SOX30: variants seen among roughly 807,000 people sequenced by gnomAD.
SOX30 encodes the protein transcription factor SOX-30.
In SOX30, 17 loss-of-function variants were observed where a neutral mutation model predicts 58.6. That is an observed-to-expected ratio of 0.29 (90% CI 0.20 to 0.44). The LOEUF (loss-of-function observed/expected upper bound fraction) is 0.44, where lower values mean the gene tolerates loss of function less well. Among genes scored for constraint, SOX30 ranks in the 20% least tolerant of loss-of-function variants. SOX30 has a pLI of 1.00. For missense variants in SOX30, 951 were observed against 965.8 expected (o/e 0.98, Z 0.20); for synonymous variants, 421 against 400.2 (o/e 1.05, Z -0.62).
intron 3 of SOX30, among the ~76,000 whole-genome samples, chr5:157,641,241 A>T (rs1001459153): frequency 3.9e-5 from 6 of 152,114 alleles, no homozygotes. Flanking sequence ...AAAAAAAAGA[A>T]CTAGTAAGAG....
intron 1 of SOX30, among the ~76,000 whole-genome samples, chr5:157,670,087 A>G (rs1463833405): frequency 1.3e-5 from 2 of 152,232 alleles, no homozygotes; most frequent in Non-Finnish European, 2.9e-5. Context: ...TAATCCAGAG[A>G]GAAGTGAACT....
chr5:157,642,745 GC>G (rs1429513157), intron 3 of SOX30, among the ~76,000 whole-genome samples: 3 of 152,144 alleles, frequency 2.0e-5, no homozygotes, highest in African/African-American at 7.2e-5. Context: ...TGAGGCAAAT[GC>G]AAAAAAACTA....
intron 4 of SOX30, among the ~76,000 whole-genome samples, chr5:157,630,863 T>A (rs1216277787): frequency 6.3e-4 from 85 of 134,910 alleles, no homozygotes; most frequent in Admixed American, 1.7e-3. Context: ...TTATATATTT[T>A]TATATATATA....
intron 4 of SOX30, among the ~76,000 whole-genome samples, chr5:157,629,879 T>C (rs377531406): frequency 5.6e-4 from 85 of 152,292 alleles, no homozygotes; most frequent in African/African-American, 1.9e-3. Flanking sequence ...TTCTCCTAAC[T>C]ACCATGCCGC....
intron 4 of SOX30, among the ~76,000 whole-genome samples, chr5:157,632,584 T>C (rs941658707): frequency 3.3e-5 from 5 of 152,026 alleles, no homozygotes; most frequent in African/African-American, 9.7e-5. Context: ...CACTCCAGCC[T>C]GGGCAAAAAG....
intron 3 of SOX30, among the ~76,000 whole-genome samples, chr5:157,640,819 C>T (rs11750942): frequency 0.12 from 17,523 of 152,106 alleles, 1,161 homozygotes; most frequent in Middle Eastern, 0.19. Flanking sequence ...TAGCATGATT[C>T]CTTACTTGTC....
chr5:157,639,083 TGATA>T (rs1398435537), intron 3 of SOX30, among the ~76,000 whole-genome samples: 40 of 152,298 alleles, frequency 2.6e-4, no homozygotes, highest in African/African-American at 9.1e-4. Context: ...ATAAAATTAT[TGATA>T]GATATATTAA....
At position 157,631,910 on chromosome 5, in the gene SOX30, G is replaced by T. The variant is rs916125773; in HGVS notation, c.1881-5189C>A. Among the ~76,000 whole-genome samples the T allele has an allele frequency of 1.3e-4, 19 of 151,316 alleles. 1 individual carries two copies. Among genetic ancestry groups the T allele is most frequent in the African/African-American group, 4.6e-4 (19 of 41,058 alleles). ...ATGAGAATATTAGCTGGGCATGGTG[G>T]TGCACACCTGTAGTCCCAGTTATTC... On this transcript the variant is annotated intron_variant, in intron 4 of 4. Coordinates refer to ENST00000265007, the MANE Select transcript of SOX30 (RefSeq NM_178424.2).
At chr5:157,649,023 T>C (rs2113848027) in intron 1 of SOX30, 127 bp from the exon 2 acceptor site, 1 of 1,290,438 alleles carries the variant, frequency 7.7e-7, no homozygotes, top group Non-Finnish European at 1.0e-6. Flanking sequence ...CACTTCAATA[T>C]AACCAAAAAA....
intron 2 of SOX30, among the ~76,000 whole-genome samples, chr5:157,665,269 TA>T (rs1250616029): frequency 6.6e-6 from 1 of 152,268 alleles, no homozygotes; most frequent in East Asian, 1.9e-4. Flanking sequence ...TATGCAGCCA[TA>T]AAAAATGATG....
At chr5:157,633,135 T>TC (rs747835844) in intron 4 of SOX30, among the ~76,000 whole-genome samples, 22 of 152,204 alleles carry the variant, frequency 1.4e-4, no homozygotes, top group Non-Finnish European at 3.1e-4. Context: ...TCAGTACCTA[T>TC]CCCCACCTTG....
chr5:157,637,558 A>T (rs1758959887), intron 4 of SOX30, among the ~76,000 whole-genome samples: 1 of 152,174 alleles, frequency 6.6e-6, no homozygotes, highest in East Asian at 1.9e-4. Context: ...CATTTTTAAC[A>T]AAATACCACG....
chr5:157,653,546 C>T (rs1397408892), upstream of SOX30, among the ~76,000 whole-genome samples: 1 of 152,184 alleles, frequency 6.6e-6, no homozygotes, highest in Non-Finnish European at 1.5e-5. Context: ...TTATGCTAGA[C>T]ACTGTTCCAA....
At chr5:157,629,539 A>T (rs1353067784) in intron 4 of SOX30, among the ~76,000 whole-genome samples, 1 of 152,262 alleles carries the variant, frequency 6.6e-6, no homozygotes, top group African/African-American at 2.4e-5. Flanking sequence ...ATCAATTAAG[A>T]CAAAGGCAAT....
Position 157,646,667 on chromosome 5 carries a change from T to C in SOX30, c.1357A>G (p.Ser453Gly). Residue 453 changes from serine to glycine, a missense_variant, in exon 3 of 5, where the codon AGC (serine) becomes GGC (glycine). Physicochemically the swap from Ser to Gly is moderately conservative, Grantham distance 56. Transcript: ENST00000265007. ...GGATGAGTGATGGGATTCTGTAGGCTGGGAATTACCACAGAGTACGTAGGT... is the reference window on the plus strand; with the variant it reads ...GGATGAGTGATGGGATTCTGTAGGCCGGGAATTACCACAGAGTACGTAGGT... ...RSPTYSVVIP[S>G]LQNPITHPVG... 1 of 1,611,866 alleles carries C rather than the reference T, an allele frequency of 6.2e-7. No individual in the cohort carries two copies. The highest frequency in any genetic ancestry group is 1.7e-5 in the Admixed American group (1 of 59,460).
intron 4 of SOX30, among the ~76,000 whole-genome samples, chr5:157,627,538 A>G (rs916968538): frequency 1.3e-5 from 2 of 152,226 alleles, no homozygotes; most frequent in African/African-American, 2.4e-5. Flanking sequence ...AAGACAAGTT[A>G]AATTTTTTCA....
intron 2 of SOX30, among the ~76,000 whole-genome samples, chr5:157,664,661 G>A (rs1759638693): frequency 6.6e-6 from 1 of 152,264 alleles, no homozygotes; most frequent in Admixed American, 6.5e-5. Flanking sequence ...AGAGTGAACA[G>A]GCAACCTACG....
rs1162447426 is a variant in SOX30, at chr5:157,671,388, G to C, written c.-62C>G. ...ACAGCAACGCGCCGGGTCTCACCAC[G>C]GCGGATGCCGAGGGACAATATTACC... is the stretch of plus-strand genomic sequence containing the variant. On this transcript the variant is annotated 5_prime_UTR_variant, in exon 1 of 6. Coordinates refer to the SOX30 transcript ENST00000519442. 7 of 547,298 alleles carry C rather than the reference G, an allele frequency of 1.3e-5. No individual in the cohort carries two copies. The African/African-American group carries it at 1.4e-4, about 11-fold the overall frequency. The allele number at this position is 547,298 out of a possible 1,614,324, so 33.9% of individuals were successfully genotyped here.
intron 1 of SOX30, among the ~76,000 whole-genome samples, chr5:157,668,297 C>T (rs552758752): frequency 6.6e-6 from 1 of 152,172 alleles, no homozygotes; most frequent in African/African-American, 2.4e-5. Flanking sequence ...TAGCTCCAGG[C>T]TGTCAGGCAG....
Sources: gnomAD v4.1 joint callset for allele counts (sites outside exome capture counted in the v4.1 genomes callset) on GRCh38, gnomAD v4.1.1 for gene constraint, MANE v1.5 for transcripts, NCBI Gene and HGNC (gene_info 2026-07-23, HGNC 2026-07-21) for gene names.